The following TOP1 variants were observed in gnomAD, a reference collection of about 807,000 sequenced individuals.
The protein encoded by TOP1 is DNA topoisomerase I.
TOP1 carries 10 observed loss-of-function variants against 111.1 expected under a neutral mutation model. The ratio of observed to expected loss-of-function variants is 0.09; its 90% CI spans 0.06 to 0.15. The LOEUF is 0.15. Among genes scored for constraint, TOP1 ranks in the 10% least tolerant of loss-of-function variants. The pLI, the probability that TOP1 is intolerant of heterozygous loss-of-function variation, is 1.00. For synonymous variants in TOP1, 271 were observed against 302.9 expected, an observed-to-expected ratio of 0.89 and a Z score of 1.10; for missense variants, 474 against 926.7, an observed-to-expected ratio of 0.51 and a Z score of 6.34.
chr20:41,066,215 T>G (rs979666408), intron 3 of TOP1, among the ~76,000 whole-genome samples: 3 of 151,912 alleles, frequency 2.0e-5, no homozygotes, highest in African/African-American at 4.8e-5. Flanking sequence ...TTGAGACATA[T>G]AAGTTTGGCC....
In TOP1 at chr20:41,092,159, A is replaced by G. The variant is rs1227074278; in HGVS notation, c.615-313A>G. Among the ~76,000 whole-genome samples, 1 of 152,142 alleles carries G rather than the reference A, an allele frequency of 6.6e-6. No homozygotes were observed. The highest frequency in any genetic ancestry group is 1.5e-5 in the Non-Finnish European group (1 of 68,030). On this transcript the variant is annotated intron_variant, in intron 8 of 20. Transcript: ENST00000361337. The surrounding 1 kb of genome is among the most constrained non-coding windows in gnomAD (Gnocchi z 4.3). Reference sequence around the variant, plus strand: ...TCATGTATGCCATTGTGGTAAAACAACTGTTTACATTTTCAAGTCCCTCAC... The same window carrying G: ...TCATGTATGCCATTGTGGTAAAACAGCTGTTTACATTTTCAAGTCCCTCAC...
chr20:41,084,364 C>A, intron 7 of TOP1, 98 bp from the exon 8 acceptor site: 6 of 632,200 alleles, frequency 9.5e-6, no homozygotes, highest in Non-Finnish European at 1.6e-5. Context: ...TTCTAATACT[C>A]TATGATTACA....
intron 13 of TOP1, among the ~76,000 whole-genome samples, chr20:41,104,862 A>G (rs1244627712): frequency 2.6e-5 from 4 of 152,220 alleles, no homozygotes; most frequent in African/African-American, 9.6e-5. Context: ...GCCTTGAATA[A>G]TTTTTAACTT....
At position 41,116,896 on chromosome 20, in the gene TOP1, TC is replaced by T. The variant is rs2034339222; in HGVS notation, c.1822+506del. Among the ~76,000 whole-genome samples, 1 of 152,180 alleles carries T rather than the reference TC, an allele frequency of 6.6e-6. No homozygotes were observed. The highest frequency in any genetic ancestry group is 1.5e-5 in the Non-Finnish European group (1 of 68,030). On this transcript the variant is annotated intron_variant, in intron 17 of 20. Coordinates refer to ENST00000361337, the MANE Select transcript of TOP1 (RefSeq NM_003286.4). This position sits in a 1 kb window ranked among gnomAD's most constrained non-coding sequence, Gnocchi z 5.6. ...CCTGGAGCCCAGTCACTATTGAATTTCCACTGCCCTCTGTAAATACATCAGA... is the reference window on the plus strand; with the variant it reads ...CCTGGAGCCCAGTCACTATTGAATTTCACTGCCCTCTGTAAATACATCAGA...
chr20:41,043,462 G>T (rs2033293001), intron 2 of TOP1, among the ~76,000 whole-genome samples: 1 of 152,160 alleles, frequency 6.6e-6, no homozygotes. Context: ...AAGGTTTCTT[G>T]TATTTCTACT....
At chr20:41,054,898 A>G (rs2033451256) in intron 2 of TOP1, among the ~76,000 whole-genome samples, 1 of 152,174 alleles carries the variant, frequency 6.6e-6, no homozygotes, top group Admixed American at 6.5e-5. Flanking sequence ...CTATTCCTAC[A>G]GTAGGAAAAG....
rs533256718 is a variant in TOP1, at chr20:41,110,644, A to C, written c.1309-2138A>C. Among the ~76,000 whole-genome samples the C allele has an allele frequency of 1.6e-4, 24 of 152,360 alleles. No homozygotes were observed. The highest frequency in any genetic ancestry group is 1.3e-3 in the Admixed American group (20 of 15,302). ...GCCTACTAGTTTTAAAAAGTCATCC[A>C]AAGAATGTCATCTACAATCAGTTAA... is the stretch of plus-strand genomic sequence containing the variant. On this transcript the variant is annotated intron_variant, in intron 13 of 20. Coordinates refer to ENST00000361337, the MANE Select transcript of TOP1 (RefSeq NM_003286.4). The surrounding 1 kb of genome is among the most constrained non-coding windows in gnomAD (Gnocchi z 4.2).
Position 41,029,503 on chromosome 20 carries a change from GC to G in TOP1, c.58+50del. 6.7e-7 allele frequency: 1 copy of G among 1,484,162 alleles called. No homozygotes were observed. Among genetic ancestry groups the G allele is most frequent in the Non-Finnish European group, 9.2e-7 (1 of 1,092,048 alleles). The allele number at this position is 1,484,162 out of a possible 1,614,324, so 91.9% of individuals were successfully genotyped here. On this transcript the variant is annotated intron_variant, in intron 2 of 20. Coordinates refer to ENST00000361337, the MANE Select transcript of TOP1 (RefSeq NM_003286.4). The surrounding 1 kb of genome is among the most constrained non-coding windows in gnomAD (Gnocchi z 6.1). ...CTCCGGGGCCCCCCAGCCGCCGGCC[GC>G]CTCCCCCGCGCCCTGCCGGTGCCGG...
At chr20:41,050,274 T>C (rs978986709) in intron 2 of TOP1, among the ~76,000 whole-genome samples, 7 of 152,202 alleles carry the variant, frequency 4.6e-5, no homozygotes, top group African/African-American at 1.7e-4. Flanking sequence ...TGCCTTGGCC[T>C]CCCAAAGTGC....
chr20:41,084,682 AC>A (rs2145940636), intron 8 of TOP1, 114 bp downstream of exon 8: 1 of 626,376 alleles, frequency 1.6e-6, no homozygotes, highest in East Asian at 3.0e-5. Context: ...AATACTTTAA[AC>A]AATTTCTCTA....
Position 41,097,140 on chromosome 20 carries a change from A to G in TOP1, c.731-80A>G. On this transcript the variant is annotated intron_variant, in intron 9 of 20. Transcript: ENST00000361337. The surrounding 1 kb of genome is among the most constrained non-coding windows in gnomAD (Gnocchi z 4.2). The stretch of plus-strand genomic sequence containing the variant: ...CCATGAGAAGGCAAACCATTATTAA[A>G]GAGAATTCGCTAGCCCTGGGTATTT... 1 of 1,505,590 alleles carries G rather than the reference A, an allele frequency of 6.6e-7. No individual in the cohort carries two copies. The highest frequency in any genetic ancestry group is 9.0e-7 in the Non-Finnish European group (1 of 1,114,332). 93.3% of individuals were successfully genotyped at this position (1,505,590 alleles called of 1,614,324 possible). A position where few individuals can be genotyped will look rare whatever the true frequency, so the allele number is the denominator to read the frequency against.
In TOP1 at chr20:41,029,235, A is replaced by G; in HGVS notation, c.33+135A>G. 1.2e-6 allele frequency: 1 copy of G among 800,700 alleles called. No individual in the cohort carries two copies. The highest frequency in any genetic ancestry group is 2.6e-5 in the South Asian group (1 of 38,536). 49.6% of individuals were successfully genotyped at this position (800,700 alleles called of 1,614,324 possible). A position where few individuals can be genotyped will look rare whatever the true frequency, so the allele number is the denominator to read the frequency against. Reference sequence around the variant, plus strand: ...CCCCCGGTGAGGGGCCGCCTGCCGGAGTAGATCGGCTCGCTAGGCCGCGAG... The same window carrying G: ...CCCCCGGTGAGGGGCCGCCTGCCGGGGTAGATCGGCTCGCTAGGCCGCGAG... On this transcript the variant is annotated intron_variant, in intron 1 of 20. Coordinates refer to ENST00000361337, the MANE Select transcript of TOP1 (RefSeq NM_003286.4). This position sits in a 1 kb window ranked among gnomAD's most constrained non-coding sequence, Gnocchi z 6.1.
rs1012131886 is a variant in TOP1 at position 41,116,723 on chromosome 20, G to A, written c.1822+331G>A. Among the ~76,000 whole-genome samples the A allele has an allele frequency of 4.6e-5, 7 of 152,196 alleles. No homozygotes were observed. The highest frequency in any genetic ancestry group is 8.8e-5 in the Non-Finnish European group (6 of 68,028). ...AGTGCTGTGATGTTCTGTTAAATTG[G>A]AGAGAGTAAAGTTGTCATGGTTACC... On this transcript the variant is annotated intron_variant, in intron 17 of 20. Coordinates refer to ENST00000361337, the MANE Select transcript of TOP1 (RefSeq NM_003286.4). The surrounding 1 kb of genome is among the most constrained non-coding windows in gnomAD (Gnocchi z 5.6).
rs532948716 is a variant in TOP1 at position 41,091,552 on chromosome 20, C to CTTTTTT, written c.615-903_615-898dup. Among the ~76,000 whole-genome samples, 47 of 96,200 alleles carry CTTTTTT rather than the reference C, an allele frequency of 4.9e-4. 1 individual carries two copies. The highest frequency in any genetic ancestry group is 3.3e-3 in the East Asian group (9 of 2,704). 63.1% of individuals were successfully genotyped at this position (96,200 alleles called of 152,430 possible). Reference sequence around the variant, plus strand: ...ATAGGAAATGTAGCAAATTATTAACCTTTTTTTTTTTTTTTTTTTTTTGAG... The same window carrying CTTTTTT: ...ATAGGAAATGTAGCAAATTATTAACCTTTTTTTTTTTTTTTTTTTTTTTTTTTTGAG... On this transcript the variant is annotated intron_variant, in intron 8 of 20. Transcript: ENST00000361337.
intron 9 of TOP1, among the ~76,000 whole-genome samples, chr20:41,096,085 T>C (rs753274205): frequency 3.9e-4 from 60 of 152,166 alleles, no homozygotes; most frequent in Admixed American, 4.6e-4. Flanking sequence ...TTTTGTTTAT[T>C]TGAGACAGTC....
chr20:41,110,703 A>C lies in TOP1; in HGVS notation c.1309-2079A>C, dbSNP rs778309308. On this transcript the variant is annotated intron_variant, in intron 13 of 20. Coordinates refer to ENST00000361337, the MANE Select transcript of TOP1 (RefSeq NM_003286.4). This position sits in a 1 kb window ranked among gnomAD's most constrained non-coding sequence, Gnocchi z 4.2. ...TTTACCCATTACTGAAGTGTGATTG[A>C]ATTAGGGAAAGAGGAGAGGTGGTCA... is the stretch of plus-strand genomic sequence containing the variant. Among the ~76,000 whole-genome samples the C allele has an allele frequency of 7.9e-5, 12 of 152,212 alleles. No individual in the cohort carries two copies. Among genetic ancestry groups the C allele is most frequent in the Non-Finnish European group, 1.3e-4 (9 of 68,038 alleles).
Position 41,078,364 on chromosome 20 carries a change from G to A in TOP1, c.335+727G>A, listed in dbSNP as rs2033752808. The stretch of plus-strand genomic sequence containing the variant: ...TCTCACTTCACTGAATGACAGAAAG[G>A]ATTTATTAGAAATGGTTGTAAGTGT... On this transcript the variant is annotated intron_variant, in intron 5 of 20. Coordinates refer to ENST00000361337, the MANE Select transcript of TOP1 (RefSeq NM_003286.4). The surrounding 1 kb of genome is among the most constrained non-coding windows in gnomAD (Gnocchi z 5.3). Among the ~76,000 whole-genome samples the A allele has an allele frequency of 6.6e-6, 1 of 152,198 alleles. No individual in the cohort carries two copies. Among genetic ancestry groups the A allele is most frequent in the African/African-American group, 2.4e-5 (1 of 41,452 alleles).
In TOP1 at chr20:41,034,933, G is replaced by A. The variant is rs138291606; in HGVS notation, c.58+5478G>A. Among the ~76,000 whole-genome samples the A allele has an allele frequency of 2.2e-3, 331 of 151,848 alleles. 1 individual carries two copies. The highest frequency in any genetic ancestry group is 6.6e-3 in the African/African-American group (272 of 41,374). On this transcript the variant is annotated intron_variant, in intron 2 of 20. Transcript: ENST00000361337. This position sits in a 1 kb window ranked among gnomAD's most constrained non-coding sequence, Gnocchi z 4.0. ...CAGACAGGGTTTCTGTTTGTTGCCC[G>A]GGCTGGAGCGCAGTAGTGTGATTGC...
Position 41,112,996 on chromosome 20 carries a change from C to T in TOP1, c.1452+71C>T. ...AAGGGAGTTTCTGCTCTGCCCCAGGCCCTGTGCCACATACTGTATATCACA... is the reference window on the plus strand; with the variant it reads ...AAGGGAGTTTCTGCTCTGCCCCAGGTCCTGTGCCACATACTGTATATCACA... On this transcript the variant is annotated intron_variant, in intron 14 of 20. Transcript: ENST00000361337. The surrounding 1 kb of genome is among the most constrained non-coding windows in gnomAD (Gnocchi z 5.8). The T allele has an allele frequency of 6.7e-7, 1 of 1,494,956 alleles. No individual in the cohort carries two copies. The highest frequency in any genetic ancestry group is 9.1e-7 in the Non-Finnish European group (1 of 1,097,002). The allele number at this position is 1,494,956 out of a possible 1,614,324, so 92.6% of individuals were successfully genotyped here.
Sources: gnomAD v4.1 joint callset for allele counts (sites outside exome capture counted in the v4.1 genomes callset) on GRCh38, gnomAD v4.1.1 for gene constraint, Gnocchi (gnomAD v3.1) non-coding constraint, MANE v1.5 for transcripts, NCBI Gene and HGNC (gene_info 2026-07-23, HGNC 2026-07-21) for gene names.